RGS3: variants seen among roughly 807,000 people sequenced by gnomAD.
RGS3 encodes regulator of G protein signaling 3, also known as regulator of G-protein signalling 3.
In RGS3, 80 loss-of-function variants were observed where a neutral mutation model predicts 132.6. That is an observed-to-expected ratio of 0.60 (90% CI 0.50 to 0.73). The LOEUF (loss-of-function observed/expected upper bound fraction) is 0.73. RGS3 is among the 30% of genes least tolerant of loss of function. The pLI is 0.00. For missense variants in RGS3, 1,382 were observed against 1,530.8 expected, an observed-to-expected ratio of 0.90 and a Z score of 1.62; for synonymous variants, 598 against 620.6, an observed-to-expected ratio of 0.96 and a Z score of 0.54.
At chr9:113,533,063 A>G (rs917271430) in intron 18 of RGS3, among the ~76,000 whole-genome samples, 5 of 152,156 alleles carry the variant, frequency 3.3e-5, no homozygotes, top group Non-Finnish European at 7.4e-5. Flanking sequence ...TGGTTCTCCA[A>G]GGCTTTGAGC....
At position 113,463,797 on chromosome 9, in the gene RGS3, G is replaced by T. The variant is rs967075501; in HGVS notation, c.415+1596G>T. On this transcript the variant is annotated intron_variant, in intron 3 of 24. Transcript: ENST00000350696. This position sits in a 1 kb window ranked among gnomAD's most constrained non-coding sequence, Gnocchi z 4.6. The stretch of plus-strand genomic sequence containing the variant: ...GACGCTCCTGTCCGGGTCGCAGTGG[G>T]ACGCCATGGAGCGCTCCCTGCACCG... 1.2e-6 allele frequency: 2 copies of T among 1,607,372 alleles called. No individual in the cohort carries two copies. Among genetic ancestry groups the T allele is most frequent in the African/African-American group, 1.3e-5 (1 of 74,560 alleles).
chr9:113,452,006 AT>A (rs760921374), intron 1 of RGS3, among the ~76,000 whole-genome samples: 15 of 151,218 alleles, frequency 9.9e-5, no homozygotes, highest in Non-Finnish European at 2.1e-4. Context: ...TTTTTGTTTT[AT>A]TTTTCTTAAG....
At chr9:113,464,031 C>A (rs1277150307) in intron 3 of RGS3, 150 bp downstream of exon 1, 1 of 796,842 alleles carries the variant, frequency 1.3e-6, no homozygotes, top group Non-Finnish European at 2.0e-6. Flanking sequence ...CTGTGACTGC[C>A]CAGGAGGGGC....
At chr9:113,561,920 G>T (rs1199247868) in intron 19 of RGS3, among the ~76,000 whole-genome samples, 1 of 152,188 alleles carries the variant, frequency 6.6e-6, no homozygotes, top group Non-Finnish European at 1.5e-5. Flanking sequence ...AAAATAGGAG[G>T]TGGGTCCCTG....
chr9:113,588,303 G>A (rs1835230637), intron 20 of RGS3, among the ~76,000 whole-genome samples: 1 of 152,230 alleles, frequency 6.6e-6, no homozygotes, highest in Non-Finnish European at 1.5e-5. Context: ...AATTATTTCG[G>A]ATGTGTAAAC....
chr9:113,555,348 G>T (rs553176307), intron 19 of RGS3, among the ~76,000 whole-genome samples: 5 of 152,284 alleles, frequency 3.3e-5, no homozygotes, highest in African/African-American at 1.2e-4. Context: ...CAGATCCATA[G>T]TAGCCTGTCC....
intron 19 of RGS3, among the ~76,000 whole-genome samples, chr9:113,544,246 A>G (rs1255093643): frequency 6.6e-6 from 1 of 151,756 alleles, no homozygotes; most frequent in Non-Finnish European, 1.5e-5. Flanking sequence ...CTTGAATACA[A>G]AGTGATTCTT....
chr9:113,452,076 G>A (rs1378475336), intron 1 of RGS3, among the ~76,000 whole-genome samples: 1 of 152,098 alleles, frequency 6.6e-6, no homozygotes, highest in Non-Finnish European at 1.5e-5. Flanking sequence ...ATAGCTCACT[G>A]CAGCCTCAAA....
intron 14 of RGS3, among the ~76,000 whole-genome samples, chr9:113,510,049 A>G (rs1231067681): frequency 2.0e-5 from 3 of 152,170 alleles, no homozygotes; most frequent in Non-Finnish European, 4.4e-5. Flanking sequence ...CGAGCAGAAT[A>G]TACTGCACCC....
intron 1 of RGS3, among the ~76,000 whole-genome samples, chr9:113,447,329 G>GTATATATGTGTATATATATATATA (rs1305095004): frequency 6.2e-4 from 17 of 27,560 alleles, no homozygotes; most frequent in African/African-American, 1.7e-3. Flanking sequence ...GTATGTATAT[G>GTATATATGTGTATATATATATATA]TATATATATA....
exon 2 of RGS3, chr9:113,461,742 T>C: frequency 6.2e-7 from 1 of 1,614,174 alleles, no homozygotes; most frequent in Non-Finnish European, 8.5e-7. Context: ...CCCAATTTTC[T>C]TTCTGGATCT....
At chr9:113,538,590 G>C (rs1832778250) in intron 19 of RGS3, among the ~76,000 whole-genome samples, 1 of 152,292 alleles carries the variant, frequency 6.6e-6, no homozygotes, top group South Asian at 2.1e-4. Flanking sequence ...GTGACTGAAG[G>C]CAGGCTGTTT....
At chr9:113,574,642 A>G (rs1482948399) in intron 19 of RGS3, among the ~76,000 whole-genome samples, 2 of 152,242 alleles carry the variant, frequency 1.3e-5, no homozygotes, top group Admixed American at 6.5e-5. Flanking sequence ...GCAGGGGAGC[A>G]GAGAGCCTTC....
At chr9:113,553,459 A>ATAT (rs1554775560) in intron 19 of RGS3, among the ~76,000 whole-genome samples, 2 of 58,700 alleles carry the variant, frequency 3.4e-5, no homozygotes, top group Non-Finnish European at 6.0e-5. Context: ...AAAAAAAAAA[A>ATAT]ATATATATAT....
chr9:113,515,557 G>A (rs1375135915), intron 15 of RGS3, among the ~76,000 whole-genome samples: 1 of 151,370 alleles, frequency 6.6e-6, no homozygotes, highest in Non-Finnish European at 1.5e-5. Context: ...CTTGAACCTG[G>A]GGGGTGGAGG....
At chr9:113,449,513 G>A (rs2119138796) in intron 1 of RGS3, among the ~76,000 whole-genome samples, 1 of 152,284 alleles carries the variant, frequency 6.6e-6, no homozygotes, top group East Asian at 1.9e-4. Flanking sequence ...CAAAGAAGAT[G>A]CACTGCAACT....
At chr9:113,563,910 G>C (rs1004575821) in intron 19 of RGS3, among the ~76,000 whole-genome samples, 2 of 152,298 alleles carry the variant, frequency 1.3e-5, no homozygotes, top group Middle Eastern at 3.4e-3. Flanking sequence ...GAGACACCGT[G>C]CTTCAGCCTA....
intron 3 of RGS3, among the ~76,000 whole-genome samples, chr9:113,469,900 G>GTTTT (rs61167820): frequency 7.7e-6 from 1 of 129,878 alleles, no homozygotes; most frequent in South Asian, 2.4e-4. Flanking sequence ...GCATATAGTT[G>GTTTT]TTTTTTTTTT....
chr9:113,541,257 TG>T (rs1225316534), intron 19 of RGS3: 1 of 1,557,344 alleles, frequency 6.4e-7, no homozygotes, highest in African/African-American at 1.4e-5. Flanking sequence ...AGGCAGGTCC[TG>T]CAGTCAGGCA....
Sources: allele counts gnomAD v4.1 joint callset (sites outside exome capture counted in the v4.1 genomes callset), GRCh38; gene constraint gnomAD v4.1.1; non-coding constraint Gnocchi (gnomAD v3.1); transcripts MANE v1.5; gene names NCBI Gene and HGNC (gene_info 2026-07-23, HGNC 2026-07-21).